Variants in IFIH1 observed in about 807,000 individuals in gnomAD.
IFIH1 encodes the protein interferon induced with helicase C domain 1.
In IFIH1, 125 loss-of-function variants were observed where a neutral mutation model predicts 107.4. The observed-to-expected ratio is 1.16, with a 90% CI of 1.01 to 1.35. The LOEUF is 1.35. Ranked by LOEUF, IFIH1 falls within the 40% of genes most tolerant of loss-of-function variation. The pLI is 0.00. For synonymous variants in IFIH1, 458 were observed against 413.2 expected (o/e 1.11, Z -1.31); for missense variants, 1,333 against 1,213.7 (o/e 1.10, Z -1.46).
chr2:162,297,360 C>G (rs578094538), intron 3 of IFIH1, among the ~76,000 whole-genome samples: 2 of 152,054 alleles, frequency 1.3e-5, no homozygotes, highest in Non-Finnish European at 2.9e-5. Context: ...ATAAGTAGAT[C>G]GCATGGAGTT....
intron 3 of IFIH1, among the ~76,000 whole-genome samples, chr2:162,303,864 C>T (rs1412324430): frequency 1.3e-5 from 2 of 152,028 alleles, no homozygotes; most frequent in Non-Finnish European, 2.9e-5. Flanking sequence ...GATGATAAAC[C>T]CTCATTTAAG....
At chr2:162,274,163 T>C (rs1691104302) in intron 11 of IFIH1, among the ~76,000 whole-genome samples, 1 of 152,154 alleles carries the variant, frequency 6.6e-6, no homozygotes, top group South Asian at 2.1e-4. Context: ...CAAAAATATT[T>C]CCATCATCCA....
At chr2:162,313,776 T>G (rs540252460) in intron 1 of IFIH1, among the ~76,000 whole-genome samples, 1 of 152,352 alleles carries the variant, frequency 6.6e-6, no homozygotes, top group African/African-American at 2.4e-5. Flanking sequence ...CTTAACCCAA[T>G]GAATATTTAT....
rs772981550 is a variant in IFIH1, at chr2:162,281,489, T to C, written c.1363A>G (p.Asn455Asp). ...ATCAAATAATGCCTCATGATGTTAT[T>C]ATACACTGCTTCTTTGTTGGTGTGA... ...CHHTNKEAVY[N>D]NIMRHYLMQK... Residue 455 changes from asparagine to aspartate, a missense_variant, in exon 7 of 16, where the codon AAT becomes GAT. Transcript: ENST00000649979. The C allele has an allele frequency of 1.2e-5, 19 of 1,612,012 alleles. No homozygotes were observed. The highest frequency in any genetic ancestry group is 1.4e-5 in the Non-Finnish European group (17 of 1,178,766).
intron 2 of IFIH1, 35 bp downstream of exon 2, chr2:162,310,730 A>G (rs762609110): frequency 1.3e-6 from 2 of 1,575,782 alleles, no homozygotes; most frequent in African/African-American, 2.7e-5. Flanking sequence ...ACTAGGCAGA[A>G]TTTGAAGAAT....
chr2:162,315,636 G>A (rs1420161503), intron 1 of IFIH1, among the ~76,000 whole-genome samples: 2 of 152,104 alleles, frequency 1.3e-5, no homozygotes, highest in East Asian at 1.9e-4. Flanking sequence ...GTAGCATCAG[G>A]GAACTTCAGT....
chr2:162,269,991 T>C (rs2105189593), intron 13 of IFIH1, among the ~76,000 whole-genome samples: 1 of 152,276 alleles, frequency 6.6e-6, no homozygotes, highest in East Asian at 1.9e-4. Flanking sequence ...AAGGTAATTA[T>C]AGGATCACAT....
intron 5 of IFIH1, among the ~76,000 whole-genome samples, chr2:162,286,616 G>A (rs1682897888): frequency 6.9e-6 from 1 of 145,084 alleles, no homozygotes; most frequent in South Asian, 2.1e-4. Flanking sequence ...CAGGTAAATG[G>A]GGAAGAGGAG....
At chr2:162,304,816 G>A (rs1042233360) in intron 3 of IFIH1, among the ~76,000 whole-genome samples, 1 of 152,084 alleles carries the variant, frequency 6.6e-6, no homozygotes, top group Non-Finnish European at 1.5e-5. Flanking sequence ...GAGAATTCAG[G>A]GAAATAAGCA....
At chr2:162,287,983 A>G (rs1222507404) in intron 5 of IFIH1, 152 bp downstream of exon 5, 2 of 592,148 alleles carry the variant, frequency 3.4e-6, no homozygotes, top group East Asian at 5.7e-5. Flanking sequence ...ACATATACCT[A>G]AAAAAGATTA....
At chr2:162,316,187 T>C (rs977111072) in intron 1 of IFIH1, among the ~76,000 whole-genome samples, 1 of 152,290 alleles carries the variant, frequency 6.6e-6, no homozygotes, top group East Asian at 1.9e-4. Context: ...AGAAGTGCTG[T>C]TTCGCTGGCA....
intron 1 of IFIH1, among the ~76,000 whole-genome samples, chr2:162,314,416 T>TTTCTTTTCTTTCTTTCTTTTCTTTC (rs71009355): frequency 1.9e-5 from 1 of 51,468 alleles, no homozygotes. Context: ...TCTTTCTTTC[T>TTTCTTTTCTTTCTTTCTTTTCTTTC]TTTCTTTCTT....
intron 1 of IFIH1, among the ~76,000 whole-genome samples, chr2:162,313,671 C>G (rs1339176157): frequency 6.6e-6 from 1 of 152,122 alleles, no homozygotes; most frequent in Non-Finnish European, 1.5e-5. Flanking sequence ...TTTAACCCAG[C>G]AGAGTTCAAC....
rs1403164634 is a variant in IFIH1, at chr2:162,318,102, C to G, written c.206G>C (p.Gly69Ala). The change falls in exon 1 of 16, where the codon GGA becomes GCA. Residue 69 changes from glycine to alanine, a missense_variant. Transcript: ENST00000649979. ...CCGAGTCCAACCAAGGTGCCAGACT[C>G]CCTTCTCCAAGGTGCTCAGCAGCAG... ...VELLLSTLEK[G>A]VWHLGWTREF... 2 of 1,614,084 alleles carry G rather than the reference C, an allele frequency of 1.2e-6. No individual in the cohort carries two copies. Among genetic ancestry groups the G allele is most frequent in the Non-Finnish European group, 8.5e-7 (1 of 1,180,042 alleles).
At chr2:162,287,764 C>T (rs1682921956) in intron 5 of IFIH1, among the ~76,000 whole-genome samples, 1 of 151,818 alleles carries the variant, frequency 6.6e-6, no homozygotes, top group African/African-American at 2.4e-5. Flanking sequence ...ATTTTGGGGT[C>T]ATTCATATTC....
At chr2:162,289,930 G>A (rs1682967187) in intron 4 of IFIH1, among the ~76,000 whole-genome samples, 1 of 151,772 alleles carries the variant, frequency 6.6e-6, no homozygotes, top group Admixed American at 6.6e-5. Context: ...ATTTATGTAA[G>A]GCTCTGATTT....
chr2:162,310,637 A>G, intron 2 of IFIH1, 128 bp downstream of exon 2: 2 of 686,228 alleles, frequency 2.9e-6, no homozygotes, highest in South Asian at 3.7e-5. Flanking sequence ...ATGATCTATC[A>G]CATATGTTCC....
At chr2:162,292,351 C>T (rs1039230881) in intron 4 of IFIH1, among the ~76,000 whole-genome samples, 2 of 151,752 alleles carry the variant, frequency 1.3e-5, no homozygotes, top group African/African-American at 4.8e-5. Context: ...TAAACACTGA[C>T]TGAATTGAAC....
At position 162,288,120 on chromosome 2, in the gene IFIH1, G is replaced by A. The variant is rs771436673; in HGVS notation, c.1095+15C>T. The A allele has an allele frequency of 6.6e-6, 10 of 1,509,192 alleles. No individual in the cohort carries two copies. The Admixed American group carries it at 1.5e-4, about 23-fold the overall frequency. The allele number at this position is 1,509,192 out of a possible 1,614,324, so 93.5% of individuals were successfully genotyped here. A position where few individuals can be genotyped will look rare whatever the true frequency, so the allele number is the denominator to read the frequency against. On this transcript the variant is annotated intron_variant, in intron 5 of 15. Transcript: ENST00000649979. ...AATGAAAATGATCAACTAGTGTTAT[G>A]TGTTCTTTGAATACCTTATTGACAA...
Sources: gnomAD v4.1 joint callset for allele counts (sites outside exome capture counted in the v4.1 genomes callset) on GRCh38, gnomAD v4.1.1 for gene constraint, MANE v1.5 for transcripts, NCBI Gene and HGNC (gene_info 2026-07-23, HGNC 2026-07-21) for gene names.